Variants in TENM1 observed in about 807,000 individuals in gnomAD.
TENM1 encodes teneurin transmembrane protein 1, also known as teneurin-1.
Under a neutral mutation model 174.8 loss-of-function variants are expected in TENM1, and 35 were observed. That is an observed-to-expected ratio of 0.20 (90% CI 0.15 to 0.27). The LOEUF (loss-of-function observed/expected upper bound fraction) is 0.27, where lower values mean the gene tolerates loss of function less well. Among genes scored for constraint, TENM1 ranks in the 10% least tolerant of loss-of-function variants. The pLI, the probability that TENM1 is intolerant of heterozygous loss-of-function variation, is 1.00. For missense variants in TENM1, 1,633 were observed against 2,130.1 expected (o/e 0.77, Z 4.59); for synonymous variants, 781 against 798.7 (o/e 0.98, Z 0.37).
intron 8 of TENM1, among the ~76,000 whole-genome samples, chrX:124,648,249 G>T (rs765302968): frequency 3.7e-4 from 42 of 112,152 alleles, no homozygotes; most frequent in African/African-American, 1.3e-3. Flanking sequence ...TTGCATTTTT[G>T]CCTTGAGAAG....
At chrX:124,940,447 C>G (rs907666081) in intron 1 of TENM1, among the ~76,000 whole-genome samples, 4 of 111,865 alleles carry the variant, frequency 3.6e-5, no homozygotes, top group Non-Finnish European at 7.5e-5. Context: ...TTTCCTATGT[C>G]AGTCATATCC....
chrX:125,037,531 C>G, the TENM1 span, among the ~76,000 whole-genome samples: 2 of 110,926 alleles, frequency 1.8e-5, no homozygotes, highest in Non-Finnish European at 3.8e-5. Flanking sequence ...AAAGGCCATA[C>G]TGGGCCCTTG....
At chrX:124,654,042 A>G (rs1165354773) in intron 6 of TENM1, among the ~76,000 whole-genome samples, 2 of 111,644 alleles carry the variant, frequency 1.8e-5, no homozygotes, top group Admixed American at 9.5e-5. Context: ...TTTAACCATT[A>G]TTTACTGAGT....
chrX:124,638,908 A>G (rs780718048), intron 11 of TENM1, among the ~76,000 whole-genome samples: 20 of 110,671 alleles, frequency 1.8e-4, no homozygotes, highest in Non-Finnish European at 3.6e-4. Flanking sequence ...CTCTACATCT[A>G]CCGTGGTCAT....
At chrX:124,992,738 C>G in the TENM1 span, among the ~76,000 whole-genome samples, 1 of 111,508 alleles carries the variant, frequency 9.0e-6, no homozygotes, top group African/African-American at 3.3e-5. Context: ...CTGGGCTTCC[C>G]TGCTCTATTT....
exon 13 of TENM1, chrX:124,563,761 C>A: frequency 8.4e-7 from 1 of 1,193,655 alleles, no homozygotes; most frequent in South Asian, 1.9e-5. Context: ...CGGACAGCAT[C>A]TAAGTAGTGA....
intron 5 of TENM1, among the ~76,000 whole-genome samples, chrX:124,703,322 G>T (rs1167814027): frequency 9.0e-6 from 1 of 111,619 alleles, no homozygotes; most frequent in Non-Finnish European, 1.9e-5. Context: ...TATTAAAAAA[G>T]ACAGTCCTTG....
At chrX:124,625,546 T>C (rs1041141402) in intron 11 of TENM1, among the ~76,000 whole-genome samples, 2 of 111,443 alleles carry the variant, frequency 1.8e-5, no homozygotes, top group African/African-American at 6.5e-5. Flanking sequence ...ACTGCTATAC[T>C]TGAGATTGGG....
intron 15 of TENM1, among the ~76,000 whole-genome samples, chrX:124,535,652 G>A (rs1292229572): frequency 1.8e-5 from 2 of 111,540 alleles, no homozygotes; most frequent in South Asian, 3.8e-4. Flanking sequence ...TATCATAACC[G>A]GTCTTGGATG....
chrX:124,700,877 C>T (rs2052760025), intron 5 of TENM1, among the ~76,000 whole-genome samples: 1 of 111,088 alleles, frequency 9.0e-6, no homozygotes, highest in African/African-American at 3.3e-5. Context: ...CTGTAGTAAA[C>T]CCCCAAAATA....
chrX:124,827,849 T>A (rs2147318731), intron 3 of TENM1, among the ~76,000 whole-genome samples: 1 of 112,018 alleles, frequency 8.9e-6, no homozygotes, highest in South Asian at 3.7e-4. Flanking sequence ...GAGTTAACTA[T>A]TCACAGGTTT....
chrX:124,548,756 C>T, intron 14 of TENM1, among the ~76,000 whole-genome samples: 1 of 111,255 alleles, frequency 9.0e-6, no homozygotes, highest in Non-Finnish European at 1.9e-5. Context: ...TGCTCTCTCT[C>T]CCCCACTTGT....
intron 4 of TENM1, among the ~76,000 whole-genome samples, chrX:124,717,392 T>A (rs1206729974): frequency 3.6e-5 from 4 of 111,893 alleles, no homozygotes. Context: ...GTATTCTCTC[T>A]TTCTCACTCA....
intron 3 of TENM1, among the ~76,000 whole-genome samples, chrX:124,809,979 C>T (rs2055720670): frequency 9.0e-6 from 1 of 110,743 alleles, no homozygotes; most frequent in Admixed American, 9.6e-5. Flanking sequence ...CCAATCATTT[C>T]CCACCAGACC....
At chrX:125,105,333 T>A in the TENM1 span, among the ~76,000 whole-genome samples, 2 of 111,157 alleles carry the variant, frequency 1.8e-5, no homozygotes, top group Non-Finnish European at 3.8e-5. Flanking sequence ...CAGATTTCTA[T>A]CTAGCTCACT....
intron 15 of TENM1, among the ~76,000 whole-genome samples, chrX:124,537,852 G>C (rs1381197726): frequency 2.7e-5 from 3 of 112,112 alleles, no homozygotes; most frequent in East Asian, 5.6e-4. Context: ...CAGCAAGTAG[G>C]ATAGATAAAA....
intron 14 of TENM1, among the ~76,000 whole-genome samples, chrX:124,550,301 T>A (rs904743165): frequency 8.9e-6 from 1 of 112,146 alleles, no homozygotes; most frequent in Non-Finnish European, 1.9e-5. Context: ...TACTTTCTAA[T>A]CCTGAAAATG....
intron 10 of TENM1, among the ~76,000 whole-genome samples, chrX:124,642,719 A>G (rs2148373930): frequency 8.9e-6 from 1 of 111,856 alleles, no homozygotes; most frequent in East Asian, 2.8e-4. Flanking sequence ...AAATGTGTAT[A>G]CTGTTTTAGA....
At chrX:124,571,139 C>T (rs1260884309) in intron 11 of TENM1, among the ~76,000 whole-genome samples, 4 of 111,774 alleles carry the variant, frequency 3.6e-5, no homozygotes, top group African/African-American at 1.3e-4. Flanking sequence ...GATTCCACAG[C>T]ATATGGATTA....
Sources: allele counts gnomAD v4.1 joint callset (sites outside exome capture counted in the v4.1 genomes callset), GRCh38; gene constraint gnomAD v4.1.1; transcripts MANE v1.5; gene names NCBI Gene and HGNC (gene_info 2026-07-23, HGNC 2026-07-21).